MZB1: variants seen among roughly 807,000 people sequenced by gnomAD.
MZB1 encodes marginal zone B- and B1-cell-specific protein.
Under a neutral mutation model 17.2 loss-of-function variants are expected in MZB1, and 10 were observed. The ratio of observed to expected loss-of-function variants is 0.58; its 90% CI spans 0.36 to 0.98. The LOEUF (loss-of-function observed/expected upper bound fraction) is 0.98, where lower values mean the gene tolerates loss of function less well. Ranked by LOEUF, MZB1 falls within the 50% of genes least tolerant of loss-of-function variation. The pLI, the probability that MZB1 is intolerant of heterozygous loss-of-function variation, is 0.01. For synonymous variants in MZB1, 99 were observed against 98.7 expected (o/e 1.00, Z -0.02); for missense variants, 246 against 237.5 (o/e 1.04, Z -0.23).
Position 139,389,748 on chromosome 5 carries a change from C to T in MZB1, c.109G>A (p.Glu37Lys). The T allele has an allele frequency of 6.4e-7, 1 of 1,566,584 alleles. No homozygotes were observed. The highest frequency in any genetic ancestry group is 8.7e-7 in the Non-Finnish European group (1 of 1,155,894). ...GGCATGTGGGCTGAGTACATCTCCT[C>T]ATCATCCAGTTGTGGGGCTGTGGCT... ...LTATAPQLDD[E>K]EMYSAHMPAH... is the part of the protein sequence containing the mutation. The change falls in exon 1 of 4, where the codon GAG becomes AAG. Residue 37 changes from glutamate to lysine, a missense_variant. Glu to Lys is a moderately conservative substitution (Grantham distance 56). Transcript: ENST00000302125.
At chr5:139,388,180 C>T in intron 2 of MZB1, 49 bp from the exon 3 acceptor site, 1 of 1,494,750 alleles carries the variant, frequency 6.7e-7, no homozygotes, top group Non-Finnish European at 9.1e-7. Flanking sequence ...GGAGCCCAGC[C>T]AGGGAGAGAC....
chr5:139,388,605 G>A lies in MZB1; in HGVS notation c.178-20C>T. 1 of 1,602,122 alleles carries A rather than the reference G, an allele frequency of 6.2e-7. No homozygotes were observed. The highest frequency in any genetic ancestry group is 8.5e-7 in the Non-Finnish European group (1 of 1,174,350). ...CCACATCTGGAACAAGGAGGGACTG[G>A]GAGGCAGGGCCTCAGGACTGCTGCT... On this transcript the variant is annotated intron_variant, in intron 1 of 3. Coordinates refer to ENST00000302125, the MANE Select transcript of MZB1 (RefSeq NM_016459.4).
Position 139,389,886 on chromosome 5 carries a change from T to A in MZB1, c.-30A>T. On this transcript the variant is annotated 5_prime_UTR_variant, in exon 1 of 4. Transcript: ENST00000302125. ...CCAGGAGCCAGTTCAGCAAGTGTAG[T>A]CTGTGGTTGAGGTGCAGATGTGTGT... 6.5e-7 allele frequency: 1 copy of A among 1,533,696 alleles called. No individual in the cohort carries two copies. The highest frequency in any genetic ancestry group is 8.7e-7 in the Non-Finnish European group (1 of 1,144,134).
intron 1 of MZB1, chr5:139,389,457 C>T (rs1461349756): frequency 1.4e-6 from 1 of 710,692 alleles, no homozygotes. Context: ...GTGAGTGATT[C>T]CCTGGGGTCT....
At position 139,388,450 on chromosome 5, in the gene MZB1, T is replaced by C; in HGVS notation, c.302+11A>G. The C allele has an allele frequency of 4.4e-6, 7 of 1,600,454 alleles. No homozygotes were observed. The highest frequency in any genetic ancestry group is 1.7e-4 in the Middle Eastern group (1 of 5,920). On this transcript the variant is annotated intron_variant, in intron 2 of 3. Coordinates refer to ENST00000302125, the MANE Select transcript of MZB1 (RefSeq NM_016459.4). ...GGAGGAGGGAGGTGGGGGGCAGGAT[T>C]GGCAACTCACTCCTGCCAGTTCCGG...
chr5:139,389,860 C>G lies in MZB1; in HGVS notation c.-4G>C, dbSNP rs1263733963. 6.5e-7 allele frequency: 1 copy of G among 1,542,500 alleles called. No individual in the cohort carries two copies. Among genetic ancestry groups the G allele is most frequent in the Admixed American group, 2.0e-5 (1 of 50,938 alleles). Reference sequence around the variant, plus strand: ...GCAGTGGCAGTGACAGCCTCATGGCCCCAGGAGCCAGTTCAGCAAGTGTAG... The same window carrying G: ...GCAGTGGCAGTGACAGCCTCATGGCGCCAGGAGCCAGTTCAGCAAGTGTAG... On this transcript the variant is annotated 5_prime_UTR_variant, in exon 1 of 4. Coordinates refer to ENST00000302125, the MANE Select transcript of MZB1 (RefSeq NM_016459.4).
In MZB1 at chr5:139,388,112, C is replaced by T; in HGVS notation, c.322G>A (p.Asp108Asn). ...GGGCCTGTGAGACGTTTCACTTGGT[C>T]CACTTCTCGAACTCCGTAGCTGGTG... ...NWQDYGVREV[D>N]QVKRLTGPGL... is the part of the protein sequence containing the mutation. The change falls in exon 3 of 4, where the codon GAC becomes AAC. Residue 108 changes from aspartate (D) to asparagine (N), a missense_variant. Transcript: ENST00000302125. The T allele has an allele frequency of 6.4e-7, 1 of 1,551,212 alleles. No individual in the cohort carries two copies. The highest frequency in any genetic ancestry group is 8.7e-7 in the Non-Finnish European group (1 of 1,147,282).
chr5:139,389,722 G>C lies in MZB1; in HGVS notation c.135C>G (p.Pro45=). 1 of 1,579,618 alleles carries C rather than the reference G, an allele frequency of 6.3e-7. No individual in the cohort carries two copies. The highest frequency in any genetic ancestry group is 1.2e-5 in the South Asian group (1 of 86,058). Residue 45 remains proline (P), a synonymous_variant, in exon 1 of 4, where the codon CCC becomes CCG. Coordinates refer to ENST00000302125, the MANE Select transcript of MZB1 (RefSeq NM_016459.4). ...TGCAGGCATCACAGCGCAGGTGAGC[G>C]GGCATGTGGGCTGAGTACATCTCCT... ...DDEEMYSAHM[P]AHLRCDACRA... is the part of the protein sequence containing the mutation.
At chr5:139,387,977 A>G (rs1758542768) in intron 3 of MZB1, 44 bp downstream of exon 3, 2 of 1,577,210 alleles carry the variant, frequency 1.3e-6, no homozygotes, top group Non-Finnish European at 1.7e-6. Context: ...GGGGCAAACC[A>G]AGGCTCCAGG....
chr5:139,387,478 A>T lies in MZB1; in HGVS notation c.*287T>A. ...TCAAAAAAAAAAAATTGATTTTGAG[A>T]GTTTTTTTTTTTTTTTCACAAGGGA... On this transcript the variant is annotated 3_prime_UTR_variant, in exon 4 of 4. Coordinates refer to ENST00000302125, the MANE Select transcript of MZB1 (RefSeq NM_016459.4). 1 of 230,376 alleles carries T rather than the reference A, an allele frequency of 4.3e-6. No homozygotes were observed. Among genetic ancestry groups the T allele is most frequent in the East Asian group, 8.9e-5 (1 of 11,270 alleles). 14.3% of individuals were successfully genotyped at this position (230,376 alleles called of 1,614,324 possible).
In MZB1 at chr5:139,387,795, C is replaced by T; in HGVS notation, c.540G>A (p.Glu180=). Residue 180 remains glutamate, a synonymous_variant, in exon 4 of 4, where the codon GAG becomes GAA. Transcript: ENST00000302125. ...GCTCTTCTCTTGTGGCTGACACCTT[C>T]TCTGAGCAGGCCCCCTGGGGTCCCC... is the stretch of plus-strand genomic sequence containing the variant. ...LCGGPQGACS[E]KVSATREEL 1 of 1,560,460 alleles carries T rather than the reference C, an allele frequency of 6.4e-7. No individual in the cohort carries two copies. The highest frequency in any genetic ancestry group is 8.6e-7 in the Non-Finnish European group (1 of 1,160,534).
At chr5:139,388,832 G>T in intron 1 of MZB1, 1 of 453,096 alleles carries the variant, frequency 2.2e-6, no homozygotes, top group South Asian at 3.2e-5. Flanking sequence ...CCCTCGTCCA[G>T]GGCACACCTG....
rs374721625 is a variant in MZB1, at chr5:139,388,473, C to T, written c.290G>A (p.Arg97Gln). ...YTDVLDRSCSRNWQDYGVREV... is the reference protein window; with the variant it reads ...YTDVLDRSCSQNWQDYGVREV... ...ATTGGCAACTCACTCCTGCCAGTTC[C>T]GGGAGCAGCTCCGGTCCAGGACATC... The change falls in exon 2 of 4, where the codon CGG becomes CAG. Residue 97 changes from arginine (R) to glutamine (Q), a missense_variant. Coordinates refer to ENST00000302125, the MANE Select transcript of MZB1 (RefSeq NM_016459.4). The T allele has an allele frequency of 2.8e-5, 45 of 1,604,124 alleles. No individual in the cohort carries two copies. The highest frequency in any genetic ancestry group is 1.7e-4 in the African/African-American group (13 of 74,742).
At position 139,387,896 on chromosome 5, in the gene MZB1, A is replaced by C. The variant is rs368473674; in HGVS notation, c.439T>G (p.Leu147Val). Reference protein sequence around the residue: ...TRLSRTCLHYLGEFGEDQIYE... With the variant: ...TRLSRTCLHYVGEFGEDQIYE... ...ATCTGGTCTTCTCCAAACTCCCCCA[A>C]GTAGTGCAAACATGTCCTGGAGAGC... The change falls in exon 4 of 4, where the codon TTG (leucine) becomes GTG (valine). Residue 147 changes from leucine to valine, a missense_variant. Leu to Val is a conservative substitution (Grantham distance 32). Coordinates refer to ENST00000302125, the MANE Select transcript of MZB1 (RefSeq NM_016459.4). The C allele has an allele frequency of 6.3e-7, 1 of 1,594,198 alleles. No individual in the cohort carries two copies. The highest frequency in any genetic ancestry group is 1.1e-5 in the South Asian group (1 of 87,902).
At position 139,388,160 on chromosome 5, in the gene MZB1, A is replaced by G. The variant is rs1371912454; in HGVS notation, c.303-29T>C. On this transcript the variant is annotated intron_variant, in intron 2 of 3. Transcript: ENST00000302125. Reference sequence around the variant, plus strand: ...GTGGCAGTGGAGAGGAGAGGAGTACAGTTTTGGCAGGAGCCCAGCCAGGGA... The same window carrying G: ...GTGGCAGTGGAGAGGAGAGGAGTACGGTTTTGGCAGGAGCCCAGCCAGGGA... 30 of 1,540,900 alleles carry G rather than the reference A, an allele frequency of 1.9e-5. No homozygotes were observed. In the South Asian group the frequency reaches 3.2e-4, roughly 17 times the overall value.
rs772355845 is a variant in MZB1, at chr5:139,388,070, G to A, written c.364C>T (p.Pro122Ser). Reference protein sequence around the residue: ...RLTGPGLSEGPEPSISVMVTG... With the variant: ...RLTGPGLSEGSEPSISVMVTG... ...ACCATCACGCTGATGCTTGGCTCTG[G>A]CCCCTCGCTAAGTCCTGGGCCTGTG... Residue 122 changes from proline to serine, a missense_variant, in exon 3 of 4, where the codon CCA becomes TCA. Pro to Ser is a moderately conservative substitution (Grantham distance 74). Coordinates refer to ENST00000302125, the MANE Select transcript of MZB1 (RefSeq NM_016459.4). The A allele has an allele frequency of 9.0e-6, 14 of 1,553,576 alleles. No individual in the cohort carries two copies. In the Admixed American group the frequency reaches 2.7e-4, roughly 30 times the overall value.
intron 1 of MZB1, 113 bp downstream of exon 1, chr5:139,389,566 GC>G (rs1218618673): frequency 8.0e-7 from 1 of 1,246,112 alleles, no homozygotes; most frequent in Non-Finnish European, 1.1e-6. Context: ...GTGGCTTGAT[GC>G]CCAGTGGTAG....
At chr5:139,388,711 ACC>A in intron 1 of MZB1, 126 bp from the exon 2 acceptor site, 1 of 1,448,632 alleles carries the variant, frequency 6.9e-7, no homozygotes, top group Non-Finnish European at 9.2e-7. Context: ...AGCAGGAAGC[ACC>A]TGTGAGGCTG....
chr5:139,387,830 A>G lies in MZB1; in HGVS notation c.505T>C (p.Leu169=). ...GCCCCCTGGGGTCCCCCACATAGCA[A>G]TGCCTCCAGAGCCCCTCGGCCTTGT... ...HQQGRGALEA[L]LCGGPQGACS... Residue 169 remains leucine (L), a synonymous_variant, in exon 4 of 4, where the codon TTG becomes CTG. Coordinates refer to ENST00000302125, the MANE Select transcript of MZB1 (RefSeq NM_016459.4). 1 of 1,600,702 alleles carries G rather than the reference A, an allele frequency of 6.2e-7. No homozygotes were observed. Among genetic ancestry groups the G allele is most frequent in the Non-Finnish European group, 8.5e-7 (1 of 1,175,104 alleles).
Sources: allele counts gnomAD v4.1 joint callset, GRCh38; gene constraint gnomAD v4.1.1; transcripts MANE v1.5; gene names NCBI Gene and HGNC (gene_info 2026-07-23, HGNC 2026-07-21).